PLXND1: variants seen among roughly 807,000 people sequenced by gnomAD.
The protein encoded by PLXND1 is plexin D1.
A neutral mutation model predicts 197.7 loss-of-function variants in PLXND1; 54 were observed. The ratio of observed to expected loss-of-function variants is 0.27; its 90% confidence interval spans 0.22 to 0.34. The LOEUF (loss-of-function observed/expected upper bound fraction) is 0.34, where lower values mean the gene tolerates loss of function less well. Among genes scored for constraint, PLXND1 ranks in the 10% least tolerant of loss-of-function variants. The pLI is 1.00. For missense variants in PLXND1, 2,127 were observed against 2,699.2 expected (o/e 0.79, Z 4.70); for synonymous variants, 1,180 against 1,161.2 (o/e 1.02, Z -0.33).
rs899074582 is a variant in PLXND1, at chr3:129,592,245, G to A, written c.1312-2718C>T. Among the ~76,000 whole-genome samples, 2 of 152,166 alleles carry A rather than the reference G, an allele frequency of 1.3e-5. 1 individual carries two copies. The highest frequency in any genetic ancestry group is 3.8e-4 in the East Asian group (2 of 5,196). ...GTCTCCCCAGCTGCCCCAACCAGGC[G>A]GGGTCCCACCCCTCAGCAATCCTGC... On this transcript the variant is annotated intron_variant, in intron 1 of 35. Coordinates refer to ENST00000324093, the MANE Select transcript of PLXND1 (RefSeq NM_015103.3).
In PLXND1 at chr3:129,560,188, T is replaced by G. The variant is rs185315163; in HGVS notation, c.5133+142A>C. On this transcript the variant is annotated intron_variant, in intron 31 of 35. Transcript: ENST00000324093. ...CCCTAAGCCTTCAGCCTCTTGCCCC[T>G]CCAGCCCCACAGGGGAAACAGGAAG... 3,021 of 628,534 alleles carry G rather than the reference T, an allele frequency of 4.8e-3. 11 individuals are homozygous for G. Among genetic ancestry groups the G allele is most frequent in the Non-Finnish European group, 7.0e-3 (2,415 of 345,992 alleles). 38.9% of individuals were successfully genotyped at this position (628,534 alleles called of 1,614,324 possible). A position where few individuals can be genotyped will look rare whatever the true frequency, so the allele number is the denominator to read the frequency against.
At chr3:129,574,285 A>G (rs2108778648) in intron 12 of PLXND1, 51 bp downstream of exon 12, 1 of 1,515,254 alleles carries the variant, frequency 6.6e-7, no homozygotes, top group South Asian at 1.3e-5. Flanking sequence ...GGCACTGCGC[A>G]TGCGCCGTGC....
chr3:129,574,389 G>A lies in PLXND1; in HGVS notation c.2632C>T (p.Arg878Trp), dbSNP rs141047735. ...LCMWSDGCRL[R>W]GPLQPMAGTC... ...CCAGCCATGGGCTGCAGAGGCCCCC[G>A]CAGGCGGCAGCCATCACTCCACATG... Residue 878 changes from arginine (R) to tryptophan (W), a missense_variant, in exon 12 of 36, where the codon CGG becomes TGG. Transcript: ENST00000324093. The A allele has an allele frequency of 4.6e-5, 74 of 1,611,804 alleles. No homozygotes were observed. The highest frequency in any genetic ancestry group is 6.0e-5 in the Non-Finnish European group (71 of 1,179,510).
chr3:129,573,838 C>T, intron 12 of PLXND1, 93 bp from the exon 13 acceptor site: 1 of 1,371,332 alleles, frequency 7.3e-7, no homozygotes, highest in Non-Finnish European at 1.0e-6. Context: ...CAGGGCACAG[C>T]CGTGCAGACC....
In PLXND1 at chr3:129,585,943, A is replaced by G. The variant is rs1437944654; in HGVS notation, c.1851+9T>C. 2.5e-6 allele frequency: 4 copies of G among 1,613,900 alleles called. No homozygotes were observed. The highest frequency in any genetic ancestry group is 3.4e-6 in the Non-Finnish European group (4 of 1,179,976). On this transcript the variant is annotated intron_variant, in intron 5 of 35. Coordinates refer to ENST00000324093, the MANE Select transcript of PLXND1 (RefSeq NM_015103.3). The stretch of plus-strand genomic sequence containing the variant: ...TCCCGAGCTGGGTCTTGCCTCCCCC[A>G]GGACTCACTGGGTACTCCTGGCGCA...
Position 129,560,433 on chromosome 3 carries a change from A to C in PLXND1, c.5030T>G (p.Val1677Gly). Reference sequence around the variant, plus strand: ...CTCCGCCAGCTCGTCCGTAGGCAGCACCTGGGAGGCCGGGCAGTGGTCAGT... The same window carrying C: ...CTCCGCCAGCTCGTCCGTAGGCAGCCCCTGGGAGGCCGGGCAGTGGTCAGT... ...DLDTEKYFHLVLPTDELAEPK... is the reference protein window; with the variant it reads ...DLDTEKYFHLGLPTDELAEPK... Residue 1677 changes from valine (V) to glycine (G), a missense_variant and splice_region_variant, in exon 31 of 36, where the codon GTG (valine) becomes GGG (glycine). This residue lies in a region of PLXND1 where 53 missense variants were observed against 41.4 expected (regional missense o/e 1.28). Coordinates refer to ENST00000324093, the MANE Select transcript of PLXND1 (RefSeq NM_015103.3). 6.2e-7 allele frequency: 1 copy of C among 1,609,960 alleles called. No individual in the cohort carries two copies. The highest frequency in any genetic ancestry group is 1.7e-4 in the Middle Eastern group (1 of 5,984).
In PLXND1 at chr3:129,582,512, C is replaced by T. The variant is rs541700054; in HGVS notation, c.2241+1055G>A. On this transcript the variant is annotated intron_variant, in intron 8 of 35. Coordinates refer to ENST00000324093, the MANE Select transcript of PLXND1 (RefSeq NM_015103.3). ...GAGCTGCAGGAAGGCTGGTGCCCTACCCCAGCCACCCACAGCCCTGATACG... is the reference window on the plus strand; with the variant it reads ...GAGCTGCAGGAAGGCTGGTGCCCTATCCCAGCCACCCACAGCCCTGATACG... Among the ~76,000 whole-genome samples the T allele has an allele frequency of 9.2e-5, 14 of 152,324 alleles. No individual in the cohort carries two copies. The South Asian group carries it at 2.3e-3, about 25-fold the overall frequency.
chr3:129,605,847 G>C lies in PLXND1; in HGVS notation c.793C>G (p.Leu265Val), dbSNP rs780156510. 5 of 1,613,326 alleles carry C rather than the reference G, an allele frequency of 3.1e-6. No individual in the cohort carries two copies. The Admixed American group carries it at 8.3e-5, about 27-fold the overall frequency. ...TCCTTGGCGCCCTGCTTGATCTTGA[G>C]GATGTTGTCGTCGGAGGGGTTGAGG... ...FDLNPSDDNILKIKQGAKEQH... is the reference protein window; with the variant it reads ...FDLNPSDDNIVKIKQGAKEQH... Residue 265 changes from leucine to valine, a missense_variant, in exon 1 of 36, where the codon CTC becomes GTC. Leu to Val is a conservative substitution (Grantham distance 32). This residue lies in a region of PLXND1 where 1,095 missense variants were observed against 1,259.8 expected (regional missense o/e 0.87). Transcript: ENST00000324093.
At position 129,567,868 on chromosome 3, in the gene PLXND1, T is replaced by C. The variant is rs889535093; in HGVS notation, c.3866-63A>G. On this transcript the variant is annotated intron_variant, in intron 20 of 35. Transcript: ENST00000324093. ...CCTTTGGAAAGCCTTTATTGGCGCC[T>C]GCTGTATTCTGGCCTCCGCTCCAGC... 4.3e-6 allele frequency: 4 copies of C among 930,108 alleles called. No homozygotes were observed. In the African/African-American group the frequency reaches 6.6e-5, roughly 15 times the overall value. The allele number at this position is 930,108 out of a possible 1,614,324, so 57.6% of individuals were successfully genotyped here.
Position 129,569,856 on chromosome 3 carries a change from C to T in PLXND1, c.3852G>A (p.Leu1284=). 2 of 1,598,808 alleles carry T rather than the reference C, an allele frequency of 1.3e-6. No homozygotes were observed. Among genetic ancestry groups the T allele is most frequent in the Non-Finnish European group, 1.7e-6 (2 of 1,166,166 alleles). The change falls in exon 20 of 36, where the codon CTG becomes CTA. Residue 1284 remains leucine, a synonymous_variant. Transcript: ENST00000324093. ...GGGGCTCCTTACCCACCACGGAGAGCAGCAGCAGGACGCTGCAGATGACGA... is the reference window on the plus strand; with the variant it reads ...GGGGCTCCTTACCCACCACGGAGAGTAGCAGCAGGACGCTGCAGATGACGA... ...VSIVICSVLL[L]LSVVALFVFC...
At chr3:129,561,964 A>C in intron 27 of PLXND1, 61 bp from the exon 28 acceptor site, 1 of 1,141,402 alleles carries the variant, frequency 8.8e-7, no homozygotes. Context: ...AGGGGTAGGT[A>C]CCGGCCCAGC....
chr3:129,571,562 G>A lies in PLXND1; in HGVS notation c.3283C>T (p.His1095Tyr). 6.2e-6 allele frequency: 10 copies of A among 1,613,758 alleles called. No homozygotes were observed. Among genetic ancestry groups the A allele is most frequent in the Non-Finnish European group, 8.5e-6 (10 of 1,180,010 alleles). The part of the protein sequence containing the change: ...RTITVAGERF[H>Y]MVQNVSMAVH... ...GCCATGGACACATTCTGCACCATGT[G>A]GAAACGCTCACCAGCCACTGTGATG... The change falls in exon 17 of 36, where the codon CAC becomes TAC. Residue 1095 changes from histidine (H) to tyrosine (Y), a missense_variant. By Grantham distance (83) the His-to-Tyr change is moderately conservative. Coordinates refer to ENST00000324093, the MANE Select transcript of PLXND1 (RefSeq NM_015103.3).
intron 1 of PLXND1, among the ~76,000 whole-genome samples, chr3:129,604,850 C>G (rs1328657590): frequency 6.6e-6 from 1 of 152,234 alleles, no homozygotes; most frequent in East Asian, 1.9e-4. Context: ...CTGCAGGGCC[C>G]TGGTGCACAC....
At chr3:129,601,483 G>A (rs1171367088) in intron 1 of PLXND1, among the ~76,000 whole-genome samples, 1 of 152,186 alleles carries the variant, frequency 6.6e-6, no homozygotes, top group Non-Finnish European at 1.5e-5. Context: ...AGGAGCGAGA[G>A]GCTGGGTTTC....
intron 13 of PLXND1, among the ~76,000 whole-genome samples, chr3:129,573,318 G>T (rs866579719): frequency 7.2e-5 from 11 of 151,948 alleles, no homozygotes; most frequent in South Asian, 4.2e-4. Context: ...TCAGAGCAAG[G>T]CTTAGGTGGA....
intron 1 of PLXND1, among the ~76,000 whole-genome samples, chr3:129,597,548 TGCCGGGACTCGTAATGGA>T (rs1303549513): frequency 1.3e-5 from 2 of 152,206 alleles, no homozygotes; most frequent in Non-Finnish European, 2.9e-5. Context: ...ACTGGGGCCT[TGCCGGGACTCGTAATGGA>T]GCTGCGAGCT....
At chr3:129,584,601 A>G in intron 5 of PLXND1, 39 bp from the exon 6 acceptor site, 1 of 1,559,306 alleles carries the variant, frequency 6.4e-7, no homozygotes, top group Non-Finnish European at 8.7e-7. Flanking sequence ...GGTCCAGGCT[A>G]TGCTCCTCAC....
At chr3:129,561,179 C>T (rs930152449) in intron 29 of PLXND1, 1 of 462,690 alleles carries the variant, frequency 2.2e-6, no homozygotes, top group East Asian at 6.7e-5. Context: ...CTCCTGCCAG[C>T]CCAGATTCCC....
At chr3:129,596,552 C>T (rs1226581111) in intron 1 of PLXND1, among the ~76,000 whole-genome samples, 1 of 152,178 alleles carries the variant, frequency 6.6e-6, no homozygotes, top group Non-Finnish European at 1.5e-5. Context: ...CTTCCCTCCC[C>T]CCAGCAGGAG....
Sources: allele counts gnomAD v4.1 joint callset (sites outside exome capture counted in the v4.1 genomes callset), GRCh38; gene constraint gnomAD v4.1.1; regional missense constraint gnomAD v4.1.1; transcripts MANE v1.5; gene names NCBI Gene and HGNC (gene_info 2026-07-23, HGNC 2026-07-21).